ANKRD7: variants seen among roughly 807,000 people sequenced by gnomAD.
The protein encoded by ANKRD7 is ankyrin repeat domain-containing protein 7.
In ANKRD7, 30 loss-of-function variants were observed where a neutral mutation model predicts 30.8. The ratio of observed to expected loss-of-function variants is 0.97; its 90% CI spans 0.73 to 1.32. The LOEUF (loss-of-function observed/expected upper bound fraction) is 1.32. Ranked by LOEUF, ANKRD7 falls within the 40% of genes most tolerant of loss-of-function variation. The pLI, the probability that ANKRD7 is intolerant of heterozygous loss-of-function variation, is 0.00. For synonymous variants in ANKRD7, 97 were observed against 106.6 expected, an observed-to-expected ratio of 0.91 and a Z score of 0.55; for missense variants, 264 against 295.7, an observed-to-expected ratio of 0.89 and a Z score of 0.79.
In ANKRD7 at chr7:118,227,949, G is replaced by C. The variant is rs185669184; in HGVS notation, c.179+2940G>C. On this transcript the variant is annotated intron_variant, in intron 1 of 6. Transcript: ENST00000265224. ...AAAAACAGTGTTGTCCAATCTTCTA[G>C]ATGGCTTTTATCCTACACCACTCCG... The C allele has an allele frequency of 4.8e-4, 644 of 1,338,950 alleles. 4 individuals are homozygous for C. In the African/African-American group the frequency reaches 8.9e-3, roughly 19 times the overall value. The allele number at this position is 1,338,950 out of a possible 1,614,324, so 82.9% of individuals were successfully genotyped here.
At position 118,227,951 on chromosome 7, in the gene ANKRD7, T is replaced by C. The variant is rs560405077; in HGVS notation, c.179+2942T>C. 28 of 1,342,220 alleles carry C rather than the reference T, an allele frequency of 2.1e-5. No homozygotes were observed. In the African/African-American group the frequency reaches 2.1e-4, roughly 10 times the overall value. The allele number at this position is 1,342,220 out of a possible 1,614,324, so 83.1% of individuals were successfully genotyped here. On this transcript the variant is annotated intron_variant, in intron 1 of 6. Transcript: ENST00000265224. ...AAACAGTGTTGTCCAATCTTCTAGATGGCTTTTATCCTACACCACTCCGCT... is the reference window on the plus strand; with the variant it reads ...AAACAGTGTTGTCCAATCTTCTAGACGGCTTTTATCCTACACCACTCCGCT...
Position 118,232,758 on chromosome 7 carries a change from G to A in ANKRD7, c.180-1673G>A, listed in dbSNP as rs75757150. Among the ~76,000 whole-genome samples, 803 of 150,958 alleles carry A rather than the reference G, an allele frequency of 5.3e-3. 24 individuals carry two copies. The East Asian group carries it at 0.084, about 16-fold the overall frequency. ...TGTGTGTGTGTGTGTAATTTTATGC[G>A]TTTATTTTAAATTAGGTAAAAAATT... On this transcript the variant is annotated intron_variant, in intron 1 of 6. Coordinates refer to ENST00000265224, the MANE Select transcript of ANKRD7 (RefSeq NM_019644.4).
chr7:118,234,860 G>T lies in ANKRD7; in HGVS notation c.454G>T (p.Glu152Ter). The change falls in exon 3 of 7, where the codon GAA (glutamate) becomes TAA (stop). Residue 152 changes from glutamate (E) to a stop codon, truncating the protein, a stop_gained. Transcript: ENST00000265224. LOFTEE classifies it high-confidence loss of function. ...EKLLEYEADL[E>*]AKNKDGYTPL... ...ACTGCTTGAATACGAAGCTGATCTT[G>T]AAGCGAAAAATAAGGTAGTTTTCTA... 1 of 1,595,534 alleles carries T rather than the reference G, an allele frequency of 6.3e-7. No homozygotes were observed. Among genetic ancestry groups the T allele is most frequent in the Non-Finnish European group, 8.5e-7 (1 of 1,174,966 alleles).
chr7:118,236,232 G>GTGTT, intron 4 of ANKRD7, 85 bp downstream of exon 4: 1 of 764,510 alleles, frequency 1.3e-6, no homozygotes. Flanking sequence ...GTGTGTGTGT[G>GTGTT]TGTGTGTCCA....
chr7:118,234,283 T>C (rs1809688875), intron 1 of ANKRD7, 148 bp from the exon 2 acceptor site: 9 of 439,162 alleles, frequency 2.0e-5, no homozygotes. Context: ...TAAAATGTAA[T>C]TGTAATTAAT....
At chr7:118,225,132 T>C in intron 1 of ANKRD7, 123 bp downstream of exon 1, 9 of 1,138,366 alleles carry the variant, frequency 7.9e-6, no homozygotes, top group Non-Finnish European at 1.1e-5. Context: ...AGAAGAGAGA[T>C]TGTCTGGTAA....
rs985871015 is a variant in ANKRD7, at chr7:118,242,490, T to C, written c.*179T>C. ...AGTTTGTTAATTGGATGGGATTTTT[T>C]TTTTTTCACGTTAGAAGACATGAAG... On this transcript the variant is annotated 3_prime_UTR_variant, in exon 7 of 7. Transcript: ENST00000265224. 2 of 152,002 alleles carry C rather than the reference T, an allele frequency of 1.3e-5. No homozygotes were observed. The allele number at this position is 152,002 out of a possible 1,614,324, so 9.4% of individuals were successfully genotyped here. A position where few individuals can be genotyped will look rare whatever the true frequency, so the allele number is the denominator to read the frequency against.
chr7:118,240,662 AC>A (rs1357343900), intron 6 of ANKRD7, among the ~76,000 whole-genome samples: 2 of 152,158 alleles, frequency 1.3e-5, no homozygotes, highest in Non-Finnish European at 2.9e-5. Flanking sequence ...AAATTTTTGC[AC>A]ATATATATTT....
chr7:118,236,959 A>G (rs1182774361), intron 5 of ANKRD7, 33 bp downstream of exon 5: 5 of 1,607,834 alleles, frequency 3.1e-6, no homozygotes, highest in African/African-American at 1.3e-5. Context: ...TAACAACTGT[A>G]TGGGGTTTGA....
At chr7:118,240,309 C>A (rs1307540571) in intron 6 of ANKRD7, among the ~76,000 whole-genome samples, 1 of 152,032 alleles carries the variant, frequency 6.6e-6, no homozygotes, top group Non-Finnish European at 1.5e-5. Flanking sequence ...CTATCCTTCC[C>A]CCCTCCCCCC....
chr7:118,241,215 A>C (rs1404872701), intron 6 of ANKRD7, among the ~76,000 whole-genome samples: 1 of 151,116 alleles, frequency 6.6e-6, no homozygotes, highest in Non-Finnish European at 1.5e-5. Flanking sequence ...GTCTGTAAAA[A>C]TTAGCTTTTA....
At chr7:118,225,096 A>G in intron 1 of ANKRD7, 87 bp downstream of exon 1, 6 of 1,413,866 alleles carry the variant, frequency 4.2e-6, no homozygotes, top group South Asian at 1.3e-5. Flanking sequence ...GCTGTTTGAC[A>G]CTGATTGTCA....
At position 118,236,803 on chromosome 7, in the gene ANKRD7, C is replaced by T. The variant is rs749672166; in HGVS notation, c.589C>T (p.Leu197Phe). ...SDNYQRTALI[L>F]AVSGEPPCLV... ...CTCTTGCTCCAGAACAGCCCTTATT[C>T]TTGCTGTCAGTGGTGAACCACCATG... is the stretch of plus-strand genomic sequence containing the variant. The change falls in exon 5 of 7, where the codon CTT becomes TTT. Residue 197 changes from leucine (L) to phenylalanine (F), a missense_variant. Transcript: ENST00000265224. 4 of 1,613,664 alleles carry T rather than the reference C, an allele frequency of 2.5e-6. No individual in the cohort carries two copies. In the South Asian group the frequency reaches 4.4e-5, roughly 18 times the overall value.
chr7:118,240,028 T>C (rs533086569), intron 6 of ANKRD7, 30 bp downstream of exon 6: 3 of 1,280,902 alleles, frequency 2.3e-6, no homozygotes, highest in East Asian at 2.7e-5. Flanking sequence ...TAGTGTTTTT[T>C]TCTTGTTGCT....
intron 1 of ANKRD7, among the ~76,000 whole-genome samples, chr7:118,233,420 C>G (rs1809672401): frequency 6.6e-6 from 1 of 152,014 alleles, no homozygotes; most frequent in Non-Finnish European, 1.5e-5. Context: ...TTCAGGTAAA[C>G]TTAATTAGAA....
intron 3 of ANKRD7, 109 bp from the exon 4 acceptor site, chr7:118,235,930 TAA>T (rs1452910262): frequency 3.6e-6 from 2 of 552,708 alleles, no homozygotes; most frequent in African/African-American, 3.8e-5. Flanking sequence ...TTTTAAGAGT[TAA>T]AGTGTATATT....
At chr7:118,236,207 C>CGTGTGCGT in intron 4 of ANKRD7, 60 bp downstream of exon 4, 2 of 595,872 alleles carry the variant, frequency 3.4e-6, no homozygotes, top group South Asian at 2.0e-5. Context: ...TGTGTGTGTG[C>CGTGTGCGT]GTATGTGTGT....
chr7:118,234,471 G>A lies in ANKRD7; in HGVS notation c.220G>A (p.Val74Ile). ...HLACANGHTD[V>I]VLFLIEQQCK... ...AGCCTGTGCTAATGGACATACAGAT[G>A]TTGTACTTTTCCTAATTGAGCAACA... Residue 74 changes from valine to isoleucine, a missense_variant, in exon 2 of 7, where the codon GTT becomes ATT. By Grantham distance (29) the Val-to-Ile change is conservative. Transcript: ENST00000265224. The A allele has an allele frequency of 6.2e-7, 1 of 1,613,052 alleles. No individual in the cohort carries two copies. The highest frequency in any genetic ancestry group is 8.5e-7 in the Non-Finnish European group (1 of 1,179,648).
At chr7:118,230,883 C>T (rs1421276085) in intron 1 of ANKRD7, among the ~76,000 whole-genome samples, 4 of 151,784 alleles carry the variant, frequency 2.6e-5, no homozygotes, top group African/African-American at 7.3e-5. Flanking sequence ...TCTCTGAAAC[C>T]TCATGTAAGC....
Sources: gnomAD v4.1 joint callset for allele counts (sites outside exome capture counted in the v4.1 genomes callset) on GRCh38, gnomAD v4.1.1 for gene constraint, MANE v1.5 for transcripts, NCBI Gene and HGNC (gene_info 2026-07-23, HGNC 2026-07-21) for gene names.